Variants in COLEC11 observed in about 807,000 individuals in gnomAD.
COLEC11 encodes the protein collectin-11.
COLEC11 carries 20 observed loss-of-function variants against 27.3 expected under a neutral mutation model. The ratio of observed to expected loss-of-function variants is 0.73; its 90% confidence interval spans 0.51 to 1.06. The LOEUF is 1.06. Ranked by LOEUF, COLEC11 falls within the 50% of genes least tolerant of loss-of-function variation. COLEC11 has a pLI of 0.00. For synonymous variants in COLEC11, 163 were observed against 154.7 expected (o/e 1.05, Z -0.40); for missense variants, 310 against 383.0 (o/e 0.81, Z 1.59).
chr2:3,615,982 G>C (rs1311460549), intron 3 of COLEC11, among the ~76,000 whole-genome samples: 1 of 151,644 alleles, frequency 6.6e-6, no homozygotes, highest in Non-Finnish European at 1.5e-5. Context: ...GCTGGGTGGA[G>C]GGGCTCCTCA....
chr2:3,622,402 A>G (rs961301423), intron 3 of COLEC11, among the ~76,000 whole-genome samples: 1 of 152,162 alleles, frequency 6.6e-6, no homozygotes, highest in African/African-American at 2.4e-5. Context: ...TAACCTTTAT[A>G]CTAGAGTTAT....
intron 3 of COLEC11, among the ~76,000 whole-genome samples, chr2:3,622,517 T>G (rs1480264415): frequency 1.3e-5 from 2 of 152,232 alleles, no homozygotes; most frequent in African/African-American, 4.8e-5. Context: ...AACTTGATCT[T>G]TAATGTAATA....
intron 4 of COLEC11, 100 bp downstream of exon 4, chr2:3,637,704 C>T: frequency 1.0e-6 from 1 of 968,466 alleles, no homozygotes; most frequent in Non-Finnish European, 1.7e-6. Context: ...TCGTCTGGTG[C>T]TCTTATTTAT....
rs375363425 is a variant in COLEC11 at position 3,640,226 on chromosome 2, T to G, written c.275-52T>G. 35 of 1,079,578 alleles carry G rather than the reference T, an allele frequency of 3.2e-5. No homozygotes were observed. In the African/African-American group the frequency reaches 4.2e-4, roughly 13 times the overall value. The allele number at this position is 1,079,578 out of a possible 1,614,324, so 66.9% of individuals were successfully genotyped here. A position where few individuals can be genotyped will look rare whatever the true frequency, so the allele number is the denominator to read the frequency against. On this transcript the variant is annotated intron_variant, in intron 4 of 6. Coordinates refer to ENST00000349077, the MANE Select transcript of COLEC11 (RefSeq NM_024027.5). ...TTTCAGTCTTGATGTTTTTAACACA[T>G]AGAACATGTCCATCTCTGCCTGGTG...
chr2:3,633,057 A>G (rs528844230), intron 3 of COLEC11, among the ~76,000 whole-genome samples: 1 of 152,306 alleles, frequency 6.6e-6, no homozygotes, highest in East Asian at 1.9e-4. Flanking sequence ...GAGACCCCTG[A>G]GAGATGAGAT....
At chr2:3,630,204 ATG>A (rs372063028) in intron 3 of COLEC11, among the ~76,000 whole-genome samples, 191 of 152,260 alleles carry the variant, frequency 1.3e-3, no homozygotes, top group African/African-American at 4.3e-3. Context: ...TATAGTATGT[ATG>A]TGTGCATATG....
chr2:3,617,363 C>A (rs541327767), intron 3 of COLEC11, among the ~76,000 whole-genome samples: 26 of 152,278 alleles, frequency 1.7e-4, no homozygotes, highest in African/African-American at 6.0e-4. Flanking sequence ...TGCCAGCCAG[C>A]CAGACAGATG....
intron 4 of COLEC11, among the ~76,000 whole-genome samples, chr2:3,640,024 C>T (rs958553231): frequency 6.6e-6 from 1 of 152,292 alleles, no homozygotes; most frequent in East Asian, 1.9e-4. Context: ...ATCAGATATC[C>T]TGGATTTTCC....
At chr2:3,618,610 A>T (rs1479454732) in intron 3 of COLEC11, among the ~76,000 whole-genome samples, 1 of 152,194 alleles carries the variant, frequency 6.6e-6, no homozygotes, top group Non-Finnish European at 1.5e-5. Flanking sequence ...GAAATCAGGA[A>T]GTGTGATGCC....
intron 4 of COLEC11, among the ~76,000 whole-genome samples, chr2:3,638,989 G>A (rs1558518771): frequency 6.6e-6 from 1 of 152,006 alleles, no homozygotes; most frequent in Non-Finnish European, 1.5e-5. Context: ...CCCCAGCCCC[G>A]GTAACCTCCA....
At chr2:3,642,870 C>T (rs1405915354) in intron 5 of COLEC11, among the ~76,000 whole-genome samples, 4 of 152,190 alleles carry the variant, frequency 2.6e-5, no homozygotes, top group Non-Finnish European at 5.9e-5. Context: ...CTGAGCCGTC[C>T]CTCACGCCCT....
At chr2:3,643,372 A>C in intron 5 of COLEC11, 72 bp from the exon 6 acceptor site, 1 of 1,251,098 alleles carries the variant, frequency 8.0e-7, no homozygotes, top group Non-Finnish European at 1.2e-6. Flanking sequence ...ATTTCCGGGG[A>C]GGGGTCCTCG....
intron 3 of COLEC11, among the ~76,000 whole-genome samples, chr2:3,623,649 T>C (rs1664328350): frequency 6.6e-6 from 1 of 152,134 alleles, no homozygotes; most frequent in Non-Finnish European, 1.5e-5. Context: ...TCTGTTTGGT[T>C]CTTTTTTTAA....
At chr2:3,618,183 C>G (rs1351072120) in intron 3 of COLEC11, among the ~76,000 whole-genome samples, 1 of 152,144 alleles carries the variant, frequency 6.6e-6, no homozygotes, top group Non-Finnish European at 1.5e-5. Context: ...TATGCAGAAA[C>G]TTGTTAGTTG....
intron 2 of COLEC11, among the ~76,000 whole-genome samples, chr2:3,610,286 G>A (rs1392165116): frequency 6.6e-5 from 10 of 152,214 alleles, no homozygotes; most frequent in Admixed American, 5.2e-4. Context: ...AGTGAATGCC[G>A]TGTACAAACT....
intron 2 of COLEC11, among the ~76,000 whole-genome samples, chr2:3,608,445 A>G (rs565434287): frequency 3.0e-4 from 46 of 152,324 alleles, no homozygotes; most frequent in African/African-American, 1.0e-3. Context: ...GGGGACGTGT[A>G]TAGAAATCCT....
At chr2:3,606,246 C>G (rs1371729182) in intron 2 of COLEC11, 4 of 1,549,826 alleles carry the variant, frequency 2.6e-6, no homozygotes, top group Non-Finnish European at 2.6e-6. Flanking sequence ...CCTGCCAGGT[C>G]AGTAGCCTGC....
At chr2:3,636,998 G>A (rs1665463021) in intron 3 of COLEC11, among the ~76,000 whole-genome samples, 1 of 152,300 alleles carries the variant, frequency 6.6e-6, no homozygotes, top group South Asian at 2.1e-4. Context: ...AGGTCGGGAG[G>A]CATCTGATGA....
chr2:3,624,693 C>T (rs1664408546), intron 3 of COLEC11, among the ~76,000 whole-genome samples: 1 of 152,208 alleles, frequency 6.6e-6, no homozygotes, highest in African/African-American at 2.4e-5. Flanking sequence ...ATCAGTGCAT[C>T]TATTCTTGGA....
Sources: allele counts gnomAD v4.1 joint callset (sites outside exome capture counted in the v4.1 genomes callset), GRCh38; gene constraint gnomAD v4.1.1; transcripts MANE v1.5; gene names NCBI Gene and HGNC (gene_info 2026-07-23, HGNC 2026-07-21).